Variants in WDR70 observed in about 807,000 individuals in gnomAD.
WDR70 encodes WD repeat domain 70, also known as WD repeat-containing protein 70.
WDR70 carries 53 observed loss-of-function variants against 88.6 expected under a neutral mutation model. That is an observed-to-expected ratio of 0.60 (90% confidence interval 0.48 to 0.75). WDR70 has a LOEUF of 0.75. WDR70 is among the 30% of genes least tolerant of loss of function. WDR70 has a pLI of 0.00. For synonymous variants in WDR70, 280 were observed against 270.0 expected, an observed-to-expected ratio of 1.04 and a Z score of -0.36; for missense variants, 610 against 823.2, an observed-to-expected ratio of 0.74 and a Z score of 3.17.
intron 17 of WDR70, among the ~76,000 whole-genome samples, chr5:37,735,657 G>A (rs1382298625): frequency 6.6e-6 from 1 of 152,148 alleles, no homozygotes; most frequent in Non-Finnish European, 1.5e-5. Flanking sequence ...TATTTCTCCT[G>A]TGTTCACCTG....
chr5:37,457,443 G>A (rs1738877379), intron 7 of WDR70, among the ~76,000 whole-genome samples: 2 of 152,216 alleles, frequency 1.3e-5, no homozygotes, highest in African/African-American at 2.4e-5. Context: ...GGCAAGATTT[G>A]GAGAAACAAA....
intron 10 of WDR70, among the ~76,000 whole-genome samples, chr5:37,651,539 C>G (rs1312366922): frequency 6.6e-6 from 1 of 152,196 alleles, no homozygotes; most frequent in Non-Finnish European, 1.5e-5. Flanking sequence ...GGAATTGCCA[C>G]CCTGTCTTCC....
intron 10 of WDR70, among the ~76,000 whole-genome samples, chr5:37,654,921 T>G (rs534847599): frequency 1.6e-4 from 24 of 152,366 alleles, no homozygotes; most frequent in African/African-American, 5.1e-4. Context: ...TCTGTGTCTT[T>G]TAATTGGGGC....
At chr5:37,414,774 C>CA (rs1749642302) in intron 5 of WDR70, among the ~76,000 whole-genome samples, 1 of 150,352 alleles carries the variant, frequency 6.7e-6, no homozygotes, top group South Asian at 2.1e-4. Flanking sequence ...CTGATCTAGT[C>CA]ACAATTATTC....
chr5:37,719,469 G>C (rs2112692257), intron 13 of WDR70, among the ~76,000 whole-genome samples: 2 of 151,204 alleles, frequency 1.3e-5, no homozygotes, highest in Middle Eastern at 6.9e-3. Context: ...TTGCTAGCCT[G>C]GGTAGCAGGC....
At chr5:37,547,566 T>G (rs1250139404) in intron 9 of WDR70, among the ~76,000 whole-genome samples, 1 of 152,206 alleles carries the variant, frequency 6.6e-6, no homozygotes, top group Admixed American at 6.5e-5. Flanking sequence ...GATACAGATA[T>G]ACAATCTGTA....
At chr5:37,508,981 G>A (rs4869520) in intron 8 of WDR70, among the ~76,000 whole-genome samples, 65,112 of 151,894 alleles carry the variant, frequency 0.43, 15,570 homozygotes, top group Non-Finnish European at 0.54. Flanking sequence ...AGGACTATTC[G>A]AGTTCTTCCT....
chr5:37,396,382 A>G lies in WDR70; in HGVS notation c.304A>G (p.Ser102Gly). 6.2e-7 allele frequency: 1 copy of G among 1,609,080 alleles called. No individual in the cohort carries two copies. The highest frequency in any genetic ancestry group is 8.5e-7 in the Non-Finnish European group (1 of 1,177,726). Residue 102 changes from serine to glycine, a missense_variant, in exon 5 of 18, where the codon AGC becomes GGC. This residue lies in a region of WDR70 where 203 missense variants were observed against 228.1 expected (regional missense o/e 0.89). Coordinates refer to ENST00000265107, the MANE Select transcript of WDR70 (RefSeq NM_018034.4). ...CTGTTTCTGTATTTTCAGGGATACG[A>G]GCAGCAGTGAAAGTGAACAGAGTTC... ...DCSKSSSRDTSSSESEQSSDS... is the reference protein window; with the variant it reads ...DCSKSSSRDTGSSESEQSSDS...
rs1210740754 is a variant in WDR70, at chr5:37,497,831, G to GT, written c.840+17852dup. Among the ~76,000 whole-genome samples, 280 of 150,834 alleles carry GT rather than the reference G, an allele frequency of 1.9e-3. 2 individuals carry two copies. Among genetic ancestry groups the GT allele is most frequent in the African/African-American group, 6.2e-3 (255 of 41,082 alleles). The stretch of plus-strand genomic sequence containing the variant: ...TTGTTTTGTTTTTTGTTTTGTTTTT[G>GT]TTTTTTTTAAGACAGAGTCTCACTC... On this transcript the variant is annotated intron_variant, in intron 8 of 17. Transcript: ENST00000265107.
chr5:37,394,972 T>G (rs1748963003), intron 4 of WDR70, among the ~76,000 whole-genome samples: 1 of 152,230 alleles, frequency 6.6e-6, no homozygotes, highest in Non-Finnish European at 1.5e-5. Flanking sequence ...CTCATGTTTT[T>G]CCGTCAGTAG....
intron 4 of WDR70, 34 bp downstream of exon 4, chr5:37,392,154 A>G (rs752550975): frequency 1.3e-6 from 2 of 1,584,356 alleles, no homozygotes; most frequent in East Asian, 4.5e-5. Context: ...CTATTAAACT[A>G]TCAGTTTCTA....
At chr5:37,739,452 A>T (rs2112727942) in intron 17 of WDR70, among the ~76,000 whole-genome samples, 1 of 152,346 alleles carries the variant, frequency 6.6e-6, no homozygotes, top group African/African-American at 2.4e-5. Flanking sequence ...TTGAGAAATG[A>T]GGTATAAAAT....
At chr5:37,513,173 A>C (rs961433519) in intron 8 of WDR70, among the ~76,000 whole-genome samples, 3 of 152,218 alleles carry the variant, frequency 2.0e-5, no homozygotes, top group African/African-American at 7.2e-5. Context: ...AAAATGAATA[A>C]AGAATCACAA....
intron 9 of WDR70, among the ~76,000 whole-genome samples, chr5:37,603,053 G>T (rs1208237775): frequency 6.6e-6 from 1 of 151,920 alleles, no homozygotes; most frequent in African/African-American, 2.4e-5. Context: ...AATTAATGTT[G>T]CTGACATGTC....
chr5:37,582,877 C>T (rs371089344), intron 9 of WDR70, among the ~76,000 whole-genome samples: 3 of 152,206 alleles, frequency 2.0e-5, no homozygotes, highest in Non-Finnish European at 4.4e-5. Context: ...TGTCCTTGTG[C>T]GTAGCACTTC....
At chr5:37,381,486 A>G in intron 2 of WDR70, 116 bp from the exon 3 acceptor site, 1 of 791,092 alleles carries the variant, frequency 1.3e-6, no homozygotes, top group South Asian at 1.4e-5. Context: ...TTATGGTTAT[A>G]TTGGAGCCAT....
chr5:37,695,700 G>T (rs938290999), intron 10 of WDR70, among the ~76,000 whole-genome samples: 1 of 152,006 alleles, frequency 6.6e-6, no homozygotes, highest in African/African-American at 2.4e-5. Context: ...TTTCTTGTCG[G>T]CACTGTAGCT....
At chr5:37,734,602 A>T (rs1273516132) in intron 17 of WDR70, among the ~76,000 whole-genome samples, 1 of 152,120 alleles carries the variant, frequency 6.6e-6, no homozygotes, top group Non-Finnish European at 1.5e-5. Context: ...AAAGGGGGAC[A>T]TAGATAAAAG....
At position 37,516,543 on chromosome 5, in the gene WDR70, A is replaced by G. The variant is rs1411507982; in HGVS notation, c.870A>G (p.Ser290=). Reference sequence around the variant, plus strand: ...ATACAGCAATGCTTCATACTGGCTCATGGCATCCCAAAATAAAGGGAGAAT... The same window carrying G: ...ATACAGCAATGCTTCATACTGGCTCGTGGCATCCCAAAATAAAGGGAGAAT... The part of the protein sequence containing the change: ...KGHTAMLHTG[S]WHPKIKGEFM... The change falls in exon 9 of 18, where the codon TCA becomes TCG. Residue 290 remains serine, a synonymous_variant. Transcript: ENST00000265107. The G allele has an allele frequency of 2.5e-6, 4 of 1,606,144 alleles. No individual in the cohort carries two copies. The highest frequency in any genetic ancestry group is 2.6e-6 in the Non-Finnish European group (3 of 1,174,894).
Sources: allele counts gnomAD v4.1 joint callset (sites outside exome capture counted in the v4.1 genomes callset), GRCh38; gene constraint gnomAD v4.1.1; regional missense constraint gnomAD v4.1.1; transcripts MANE v1.5; gene names NCBI Gene and HGNC (gene_info 2026-07-23, HGNC 2026-07-21).